The following ZNF114 variants were observed in gnomAD, a reference collection of about 807,000 sequenced individuals.
ZNF114 encodes the protein zinc finger protein 114.
In ZNF114, 8 loss-of-function variants were observed where a neutral mutation model predicts 6.8. The ratio of observed to expected loss-of-function variants is 1.18; its 90% CI spans 0.69 to 2.13. The LOEUF is 2.13. Among genes scored for constraint, ZNF114 ranks in the 30% most tolerant of loss-of-function variants. The pLI, the probability that ZNF114 is intolerant of heterozygous loss-of-function variation, is 0.00. For missense variants in ZNF114, 472 were observed against 519.5 expected (o/e 0.91, Z 0.89); for synonymous variants, 169 against 185.5 (o/e 0.91, Z 0.72).
chr19:48,278,084 C>T (rs528006430), intron 3 of ZNF114, among the ~76,000 whole-genome samples: 14 of 152,040 alleles, frequency 9.2e-5, no homozygotes, highest in South Asian at 4.2e-4. Flanking sequence ...TACAGGTGTG[C>T]GCCACCACGC....
chr19:48,270,763 GA>G (rs1326805597), intron 1 of ZNF114, among the ~76,000 whole-genome samples: 1 of 15,460 alleles, frequency 6.5e-5, no homozygotes, highest in African/African-American at 1.7e-4. Context: ...AGAAAAAAGA[GA>G]AAGAAAGAAA....
chr19:48,276,887 G>A (rs185627110), intron 3 of ZNF114, among the ~76,000 whole-genome samples: 210 of 152,344 alleles, frequency 1.4e-3, no homozygotes, highest in South Asian at 3.3e-3. Flanking sequence ...GACTGGGCGT[G>A]GTGGCTCACG....
chr19:48,277,810 T>TGTGTGC (rs1967884953), intron 3 of ZNF114, among the ~76,000 whole-genome samples: 1 of 151,062 alleles, frequency 6.6e-6, no homozygotes, highest in African/African-American at 2.4e-5. Flanking sequence ...TGTGTGTGTG[T>TGTGTGC]GTGTGTGTGT....
intron 3 of ZNF114, among the ~76,000 whole-genome samples, chr19:48,273,748 G>A (rs1329275101): frequency 1.4e-5 from 2 of 145,542 alleles, no homozygotes; most frequent in African/African-American, 5.0e-5. Flanking sequence ...AGGCAACAGT[G>A]GGGCTTTTCT....
At position 48,279,762 on chromosome 19, in the gene ZNF114, C is replaced by T. The variant is rs376376833; in HGVS notation, c.-38C>T. 10 of 1,613,858 alleles carry T rather than the reference C, an allele frequency of 6.2e-6. No homozygotes were observed. The highest frequency in any genetic ancestry group is 1.6e-4 in the Middle Eastern group (1 of 6,062). ...CTCACCTGCCTCCTTGAAGGAAACA[C>T]GGGGAAGCCAGGACTGGCCGTCACG... On this transcript the variant is annotated 5_prime_UTR_variant, in exon 4 of 6. In the 5' UTR this introduces an upstream ATG that the reference lacks. Coordinates refer to ENST00000595607, the MANE Select transcript of ZNF114 (RefSeq NM_153608.4).
At chr19:48,276,830 G>A (rs1967848219) in intron 3 of ZNF114, among the ~76,000 whole-genome samples, 1 of 152,176 alleles carries the variant, frequency 6.6e-6, no homozygotes, top group African/African-American at 2.4e-5. Flanking sequence ...AGCCCAAAAT[G>A]GTGATTTTTA....
intron 5 of ZNF114, among the ~76,000 whole-genome samples, chr19:48,285,378 A>G (rs1408225919): frequency 2.6e-5 from 4 of 152,018 alleles, no homozygotes; most frequent in Non-Finnish European, 1.5e-5. Flanking sequence ...CGCACCTGTA[A>G]TCTCAGCTAC....
At chr19:48,275,263 G>GAGGA (rs1333882722) in intron 3 of ZNF114, among the ~76,000 whole-genome samples, 1 of 139,716 alleles carries the variant, frequency 7.2e-6, no homozygotes, top group Non-Finnish European at 1.6e-5. Flanking sequence ...GAAAAAGAGA[G>GAGGA]AGGAAGGGAG....
chr19:48,281,085 G>A (rs937822695), intron 4 of ZNF114, among the ~76,000 whole-genome samples: 8 of 152,046 alleles, frequency 5.3e-5, no homozygotes, highest in African/African-American at 1.2e-4. Context: ...CGAAGCTGCC[G>A]TGAGCTGCAT....
At chr19:48,277,744 C>G (rs12974195) in intron 3 of ZNF114, among the ~76,000 whole-genome samples, 8,379 of 143,906 alleles carry the variant, frequency 0.058, 497 homozygotes, top group African/African-American at 0.16. Context: ...CCTCCTGCTT[C>G]TTAATTCTTC....
chr19:48,273,427 T>TG (rs1394827287), intron 3 of ZNF114, among the ~76,000 whole-genome samples: 1 of 76,228 alleles, frequency 1.3e-5, no homozygotes, highest in Non-Finnish European at 3.0e-5. Context: ...TTTTCTTTTC[T>TG]GTTTTTTTTT....
chr19:48,286,648 A>T lies in ZNF114; in HGVS notation c.1024A>T (p.Arg342Ter), dbSNP rs960819362. 6.2e-7 allele frequency: 1 copy of T among 1,613,724 alleles called. No homozygotes were observed. The highest frequency in any genetic ancestry group is 1.3e-5 in the African/African-American group (1 of 74,978). Residue 342 changes from arginine (R) to a stop codon, truncating the protein, a stop_gained, in exon 6 of 6, where the codon AGA (arginine) becomes TGA (stop). Coordinates refer to ENST00000595607, the MANE Select transcript of ZNF114 (RefSeq NM_153608.4). LOFTEE classifies it low-confidence loss of function (END_TRUNC). ...YECGKCGKAF[R>*]YSLHLNKHLR... ...ATGTGGGAAATGTGGGAAAGCCTTTAGATATTCCTTACACCTTAATAAACA... is the reference window on the plus strand; with the variant it reads ...ATGTGGGAAATGTGGGAAAGCCTTTTGATATTCCTTACACCTTAATAAACA...
At chr19:48,274,661 C>T (rs1283321721) in intron 3 of ZNF114, among the ~76,000 whole-genome samples, 1 of 151,892 alleles carries the variant, frequency 6.6e-6, no homozygotes, top group East Asian at 1.9e-4. Context: ...CATGTGCCAC[C>T]ATGCCGGGCT....
At chr19:48,273,685 C>T (rs1967739447) in intron 3 of ZNF114, among the ~76,000 whole-genome samples, 2 of 151,716 alleles carry the variant, frequency 1.3e-5, no homozygotes, top group African/African-American at 2.4e-5. Flanking sequence ...ATTTACAGCT[C>T]AGCCCCTGAG....
intron 3 of ZNF114, among the ~76,000 whole-genome samples, chr19:48,272,302 C>T (rs1011330288): frequency 1.3e-5 from 2 of 151,862 alleles, no homozygotes; most frequent in Admixed American, 6.6e-5. Context: ...ATCCCAGCTA[C>T]TCAGGAGGCT....
chr19:48,284,115 G>A (rs962746774), intron 5 of ZNF114, among the ~76,000 whole-genome samples: 3 of 152,200 alleles, frequency 2.0e-5, no homozygotes, highest in African/African-American at 7.2e-5. Context: ...TCATCGGGAT[G>A]AGGAAAGTAC....
chr19:48,284,619 C>T (rs1192214378), intron 5 of ZNF114, among the ~76,000 whole-genome samples: 7 of 151,980 alleles, frequency 4.6e-5, no homozygotes, highest in Non-Finnish European at 7.4e-5. Context: ...TTAGTAGAGA[C>T]GGGGCTTCAC....
intron 3 of ZNF114, among the ~76,000 whole-genome samples, chr19:48,278,221 C>T (rs1967899817): frequency 6.6e-6 from 1 of 152,218 alleles, no homozygotes; most frequent in Non-Finnish European, 1.5e-5. Flanking sequence ...CAGGCTTGAG[C>T]CAACGCGCCC....
intron 3 of ZNF114, among the ~76,000 whole-genome samples, chr19:48,272,421 A>T (rs1014204221): frequency 7.0e-6 from 1 of 143,152 alleles, no homozygotes; most frequent in African/African-American, 2.6e-5. Flanking sequence ...CAAAAAAAAA[A>T]ATAAATAATA....
Sources: allele counts gnomAD v4.1 joint callset (sites outside exome capture counted in the v4.1 genomes callset), GRCh38; gene constraint gnomAD v4.1.1; transcripts MANE v1.5; gene names NCBI Gene and HGNC (gene_info 2026-07-23, HGNC 2026-07-21).